ZNF638: variants seen among roughly 807,000 people sequenced by gnomAD.
ZNF638 encodes the protein CTCL tumor antigen se33-1.
A neutral mutation model predicts 195.6 loss-of-function variants in ZNF638; 46 were observed. That is an observed-to-expected ratio of 0.24 (90% confidence interval 0.19 to 0.30). The LOEUF (loss-of-function observed/expected upper bound fraction) is 0.30, where lower values mean the gene tolerates loss of function less well. Among genes scored for constraint, ZNF638 ranks in the 10% least tolerant of loss-of-function variants. The probability of loss-of-function intolerance (pLI) is 1.00; values close to 1 mark genes in which losing one functional copy is unlikely to be tolerated. For synonymous variants in ZNF638, 845 were observed against 772.0 expected, an observed-to-expected ratio of 1.09 and a Z score of -1.57; for missense variants, 2,440 against 2,325.3, an observed-to-expected ratio of 1.05 and a Z score of -1.01.
At chr2:71,404,602 A>G (rs2080069122) in intron 17 of ZNF638, among the ~76,000 whole-genome samples, 1 of 152,154 alleles carries the variant, frequency 6.6e-6, no homozygotes, top group Non-Finnish European at 1.5e-5. Context: ...CCGTGGTCCC[A>G]GCTCCTCAGG....
intron 10 of ZNF638, among the ~76,000 whole-genome samples, chr2:71,386,848 CT>C (rs1038495883): frequency 1.3e-5 from 2 of 151,486 alleles, no homozygotes; most frequent in Non-Finnish European, 1.5e-5. Flanking sequence ...TATAAGATGC[CT>C]TTTTTTTCTT....
At position 71,406,245 on chromosome 2, in the gene ZNF638, A is replaced by C. The variant is rs765596102; in HGVS notation, c.3118A>C (p.Ile1040Leu). The change falls in exon 19 of 28, where the codon ATA becomes CTA. Residue 1040 changes from isoleucine (I) to leucine (L), a missense_variant. Physicochemically the swap from Ile to Leu is conservative, Grantham distance 5. Transcript: ENST00000264447. ...QFGKVDHHVF[I>L]SNRNKAILQL... ...TGGAAAAGTGGATCACCATGTATTC[A>C]TAAGTAATAGAAACAAGGTAACAAG... 6.2e-7 allele frequency: 1 copy of C among 1,612,276 alleles called. No homozygotes were observed. Among genetic ancestry groups the C allele is most frequent in the East Asian group, 2.2e-5 (1 of 44,808 alleles).
intron 20 of ZNF638, among the ~76,000 whole-genome samples, chr2:71,411,234 ATGATCTGCCT>A (rs2080214993): frequency 6.6e-6 from 1 of 150,538 alleles, no homozygotes; most frequent in Non-Finnish European, 1.5e-5. Context: ...TCCTGACCTC[ATGATCTGCCT>A]GCCTCAGCCT....
chr2:71,429,143 T>C (rs1558888877), intron 25 of ZNF638, among the ~76,000 whole-genome samples: 1 of 152,216 alleles, frequency 6.6e-6, no homozygotes, highest in Non-Finnish European at 1.5e-5. Context: ...AGTACATAGC[T>C]CTTGCTCTCA....
At chr2:71,408,975 A>G (rs930594862) in intron 20 of ZNF638, among the ~76,000 whole-genome samples, 11 of 152,100 alleles carry the variant, frequency 7.2e-5, no homozygotes, top group Non-Finnish European at 1.0e-4. Flanking sequence ...AAAATATATA[A>G]AAGTTTTTAG....
intron 1 of ZNF638, among the ~76,000 whole-genome samples, chr2:71,332,506 A>G (rs1194016298): frequency 3.3e-5 from 5 of 152,238 alleles, no homozygotes; most frequent in African/African-American, 1.2e-4. Flanking sequence ...TATGAAACCA[A>G]AGAAAATATC....
intron 19 of ZNF638, 123 bp downstream of exon 19, chr2:71,406,385 A>G: frequency 1.2e-6 from 1 of 842,380 alleles, no homozygotes; most frequent in Non-Finnish European, 1.8e-6. Flanking sequence ...ACTTCGCAGA[A>G]TTATTATAAA....
At chr2:71,417,286 C>G (rs2080317835) in intron 20 of ZNF638, among the ~76,000 whole-genome samples, 1 of 151,382 alleles carries the variant, frequency 6.6e-6, no homozygotes, top group Non-Finnish European at 1.5e-5. Context: ...AGGGAACTCC[C>G]TGACCCCTTG....
At chr2:71,373,229 A>G (rs936731098) in intron 8 of ZNF638, among the ~76,000 whole-genome samples, 1 of 152,108 alleles carries the variant, frequency 6.6e-6, no homozygotes, top group Non-Finnish European at 1.5e-5. Flanking sequence ...CATTAACTTC[A>G]TCTTTTTATA....
intron 1 of ZNF638, chr2:71,332,967 T>C (rs1186081626): frequency 6.6e-6 from 1 of 152,200 alleles, no homozygotes; most frequent in Admixed American, 6.5e-5. Flanking sequence ...AATTTTCTGC[T>C]TTTTCCCCTC....
At chr2:71,371,481 C>T (rs1462382798) in intron 8 of ZNF638, among the ~76,000 whole-genome samples, 1 of 152,112 alleles carries the variant, frequency 6.6e-6, no homozygotes, top group Non-Finnish European at 1.5e-5. Context: ...CTGAGGGTTC[C>T]CTTTTCTCCA....
rs1290317996 is a variant in ZNF638 at position 71,419,980 on chromosome 2, T to C, written c.3299+1341T>C. Among the ~76,000 whole-genome samples the C allele has an allele frequency of 7.4e-4, 30 of 40,502 alleles. 1 individual carries two copies. Among genetic ancestry groups the C allele is most frequent in the Admixed American group, 2.1e-3 (4 of 1,928 alleles). 26.6% of individuals were successfully genotyped at this position (40,502 alleles called of 152,430 possible). A position where few individuals can be genotyped will look rare whatever the true frequency, so the allele number is the denominator to read the frequency against. ...AATTCCCACCCCCCCCCGCCTTTTT[T>C]TTTTTTTTTTTTTTTTTTTTTTTAA... On this transcript the variant is annotated intron_variant, in intron 21 of 27. Coordinates refer to ENST00000264447, the MANE Select transcript of ZNF638 (RefSeq NM_014497.5).
chr2:71,332,439 G>A lies in ZNF638; in HGVS notation c.-203+564G>A, dbSNP rs374854243. On this transcript the variant is annotated intron_variant, in intron 1 of 27. Coordinates refer to ENST00000264447, the MANE Select transcript of ZNF638 (RefSeq NM_014497.5). The stretch of plus-strand genomic sequence containing the variant: ...GGGAGGGGGTGTCGGGATGAAGGAG[G>A]GAATGTTAGGATCCAGCGGCTTTTC... 2.1e-4 allele frequency among the ~76,000 whole-genome samples: 32 copies of A among 152,318 alleles called. 1 individual carries two copies. Among genetic ancestry groups the A allele is most frequent in the African/African-American group, 7.5e-4 (31 of 41,570 alleles).
At chr2:71,332,977 C>T (rs1348595074) in intron 1 of ZNF638, 1 of 152,118 alleles carries the variant, frequency 6.6e-6, no homozygotes, top group Non-Finnish European at 1.5e-5. Flanking sequence ...TTTTTCCCCT[C>T]ATTTGTTGTA....
chr2:71,381,732 C>T (rs1054614296), intron 10 of ZNF638, among the ~76,000 whole-genome samples: 1 of 152,004 alleles, frequency 6.6e-6, no homozygotes, highest in Non-Finnish European at 1.5e-5. Context: ...AAATAATTCA[C>T]AGAACACATT....
At chr2:71,406,451 C>G (rs1394618028) in intron 19 of ZNF638, among the ~76,000 whole-genome samples, 189 bp downstream of exon 19, 1 of 151,956 alleles carries the variant, frequency 6.6e-6, no homozygotes, top group Admixed American at 6.6e-5. Context: ...TCTCTTTTTT[C>G]AGAACTCCTA....
intron 6 of ZNF638, 141 bp downstream of exon 6, chr2:71,365,847 G>A (rs1161018277): frequency 1.2e-6 from 1 of 839,146 alleles, no homozygotes; most frequent in Non-Finnish European, 1.8e-6. Flanking sequence ...ATCTTCCCAA[G>A]TAGCTGGCAC....
chr2:71,388,537 G>C (rs1260049570), intron 10 of ZNF638: 3 of 722,086 alleles, frequency 4.2e-6, no homozygotes, highest in South Asian at 1.5e-5. Flanking sequence ...TTCTCTCTTC[G>C]GCGTCTCTAA....
chr2:71,431,583 C>T (rs964879039), intron 26 of ZNF638, among the ~76,000 whole-genome samples, 155 bp downstream of exon 26: 5 of 152,156 alleles, frequency 3.3e-5, no homozygotes, highest in Admixed American at 2.6e-4. Flanking sequence ...CACGGTGAAA[C>T]CCCGTCAGTA....
Sources: allele counts gnomAD v4.1 joint callset (sites outside exome capture counted in the v4.1 genomes callset), GRCh38; gene constraint gnomAD v4.1.1; transcripts MANE v1.5; gene names NCBI Gene and HGNC (gene_info 2026-07-23, HGNC 2026-07-21).